The following CTNNA2 variants were observed in gnomAD, a reference collection of about 807,000 sequenced individuals.
CTNNA2 encodes catenin alpha 2.
Under a neutral mutation model 101.0 loss-of-function variants are expected in CTNNA2, and 42 were observed. That is an observed-to-expected ratio of 0.42 (90% CI 0.32 to 0.54). CTNNA2 has a LOEUF of 0.54. Ranked by LOEUF, CTNNA2 falls within the 20% of genes least tolerant of loss-of-function variation. The probability of loss-of-function intolerance (pLI) is 0.14; values close to 1 mark genes in which losing one functional copy is unlikely to be tolerated. For missense variants in CTNNA2, 871 were observed against 1,223.1 expected (o/e 0.71, Z 4.29); for synonymous variants, 450 against 456.4 (o/e 0.99, Z 0.18).
chr2:80,210,180 C>G (rs979653290), intron 7 of CTNNA2, among the ~76,000 whole-genome samples: 1 of 152,126 alleles, frequency 6.6e-6, no homozygotes, highest in Non-Finnish European at 1.5e-5. Context: ...CAAATTAAAG[C>G]CATCCTATTA....
intron 12 of CTNNA2, among the ~76,000 whole-genome samples, chr2:80,567,996 G>A (rs1167461646): frequency 6.6e-6 from 1 of 152,118 alleles, no homozygotes; most frequent in Non-Finnish European, 1.5e-5. Flanking sequence ...CACACTCAGA[G>A]TGTGTTGGAT....
At chr2:79,626,068 A>G (rs1294766966) in intron 1 of CTNNA2, among the ~76,000 whole-genome samples, 3 of 152,076 alleles carry the variant, frequency 2.0e-5, no homozygotes, top group Non-Finnish European at 2.9e-5. Context: ...TACTTCATCT[A>G]TTTTGATTAA....
intron 9 of CTNNA2, among the ~76,000 whole-genome samples, chr2:80,526,463 C>A (rs1573137761): frequency 2.0e-5 from 3 of 150,738 alleles, no homozygotes; most frequent in East Asian, 2.0e-4. Flanking sequence ...CTCCCAAAGT[C>A]CTGAGATTAC....
intron 9 of CTNNA2, among the ~76,000 whole-genome samples, chr2:80,434,901 C>T (rs1056061888): frequency 6.6e-6 from 1 of 152,108 alleles, no homozygotes; most frequent in Non-Finnish European, 1.5e-5. Flanking sequence ...CTCATTTCCT[C>T]TACTTTGAAT....
intron 2 of CTNNA2, among the ~76,000 whole-genome samples, chr2:79,661,326 T>C (rs1682022196): frequency 6.6e-6 from 1 of 152,244 alleles, no homozygotes; most frequent in Admixed American, 6.5e-5. Context: ...TAAAACTACC[T>C]ATTCTTCCAT....
chr2:79,268,868 G>A (rs952834047), intron 2 of CTNNA2, among the ~76,000 whole-genome samples: 1 of 152,034 alleles, frequency 6.6e-6, no homozygotes, highest in Non-Finnish European at 1.5e-5. Flanking sequence ...CCAAGGTTTC[G>A]ATGTGTCCAT....
At chr2:79,917,584 A>C (rs902204716) in intron 7 of CTNNA2, among the ~76,000 whole-genome samples, 1 of 152,134 alleles carries the variant, frequency 6.6e-6, no homozygotes, top group Non-Finnish European at 1.5e-5. Flanking sequence ...TCCCAGAGAA[A>C]CTGGGAAACT....
In CTNNA2 at chr2:80,045,030, C is replaced by T. The variant is rs115234563; in HGVS notation, c.1056+135233C>T. On this transcript the variant is annotated intron_variant, in intron 7 of 18. Transcript: ENST00000402739. The stretch of plus-strand genomic sequence containing the variant: ...CATGAGGGTTTATTTGGCGGCTGAA[C>T]GCTCAACCAGGATGTTGAATAATGG... 6.8e-4 allele frequency among the ~76,000 whole-genome samples: 103 copies of T among 152,300 alleles called. 1 individual carries two copies. Among genetic ancestry groups the T allele is most frequent in the African/African-American group, 2.2e-3 (91 of 41,560 alleles).
intron 1 of CTNNA2, among the ~76,000 whole-genome samples, chr2:79,621,750 C>A (rs140358990): frequency 6.6e-6 from 1 of 152,240 alleles, no homozygotes; most frequent in Non-Finnish European, 1.5e-5. Flanking sequence ...GTGGAGAAGC[C>A]TGCCTAACAC....
chr2:79,998,825 C>T (rs1181865758), intron 7 of CTNNA2, among the ~76,000 whole-genome samples: 1 of 152,156 alleles, frequency 6.6e-6, no homozygotes, highest in Non-Finnish European at 1.5e-5. Context: ...TCCCCAACCC[C>T]CAGGAGAAAC....
rs146837142 is a variant in CTNNA2 at position 79,445,539 on chromosome 2, C to T, written c.-134-59515C>T. ...ATAAGTGTTTCCTTTTGGCTTCTTT[C>T]GGATGTTATGCAATTTTCCATTTAA... On this transcript the variant is annotated intron_variant, in intron 4 of 21. Transcript: ENST00000466387. 9.6e-3 allele frequency among the ~76,000 whole-genome samples: 1,465 copies of T among 152,222 alleles called. 17 individuals carry two copies. The highest frequency in any genetic ancestry group is 0.035 in the South Asian group (169 of 4,830).
intron 12 of CTNNA2, among the ~76,000 whole-genome samples, chr2:80,572,223 T>C (rs983386965): frequency 2.0e-5 from 3 of 152,208 alleles, no homozygotes. Flanking sequence ...TTACATCTCA[T>C]TGTTTGCATT....
intron 2 of CTNNA2, among the ~76,000 whole-genome samples, chr2:79,740,909 T>G (rs1208042184): frequency 6.6e-6 from 1 of 151,978 alleles, no homozygotes. Context: ...CTGAAGTAGA[T>G]GAATATGAAC....
chr2:79,387,555 A>G (rs906210281), intron 4 of CTNNA2, among the ~76,000 whole-genome samples: 5 of 152,214 alleles, frequency 3.3e-5, no homozygotes, highest in African/African-American at 1.2e-4. Context: ...AGACACAGCT[A>G]CATAGGCCAA....
intron 7 of CTNNA2, among the ~76,000 whole-genome samples, chr2:80,340,803 A>G (rs1402993292): frequency 6.6e-6 from 1 of 152,144 alleles, no homozygotes; most frequent in East Asian, 1.9e-4. Flanking sequence ...AGATCTCATG[A>G]GTTAAAGGTC....
chr2:80,622,449 C>T (rs1671233397), intron 18 of CTNNA2, among the ~76,000 whole-genome samples: 1 of 151,800 alleles, frequency 6.6e-6, no homozygotes, highest in South Asian at 2.1e-4. Context: ...AATGAGAATC[C>T]GTGTAACCAA....
intron 7 of CTNNA2, among the ~76,000 whole-genome samples, chr2:80,368,104 AT>A (rs1675103252): frequency 6.6e-6 from 1 of 152,162 alleles, no homozygotes; most frequent in Non-Finnish European, 1.5e-5. Context: ...TTAGAATTTG[AT>A]TGAACCTCAG....
At chr2:80,276,449 G>A (rs966039910) in intron 7 of CTNNA2, among the ~76,000 whole-genome samples, 1 of 152,178 alleles carries the variant, frequency 6.6e-6, no homozygotes, top group Non-Finnish European at 1.5e-5. Context: ...GTCCATTTGC[G>A]TTGCTATAAA....
At chr2:79,636,296 A>G (rs1680061677) in intron 1 of CTNNA2, among the ~76,000 whole-genome samples, 3 of 147,714 alleles carry the variant, frequency 2.0e-5, no homozygotes, top group African/African-American at 5.0e-5. Context: ...AAAAAAAAAA[A>G]AAAGGAAGAA....
Sources: allele counts gnomAD v4.1 joint callset (sites outside exome capture counted in the v4.1 genomes callset), GRCh38; gene constraint gnomAD v4.1.1; transcripts MANE v1.5; gene names NCBI Gene and HGNC (gene_info 2026-07-23, HGNC 2026-07-21).